The following PLOD2 variants were observed in gnomAD, a reference collection of about 807,000 sequenced individuals.
PLOD2 encodes the protein procollagen-lysine,2-oxoglutarate 5-dioxygenase 2.
Under a neutral mutation model 101.0 loss-of-function variants are expected in PLOD2, and 65 were observed. The observed-to-expected ratio is 0.64, with a 90% CI of 0.53 to 0.79. The LOEUF (loss-of-function observed/expected upper bound fraction) is 0.79, where lower values mean the gene tolerates loss of function less well. PLOD2 is among the 30% of genes least tolerant of loss of function. The pLI is 0.00. For synonymous variants in PLOD2, 314 were observed against 302.9 expected, an observed-to-expected ratio of 1.04 and a Z score of -0.38; for missense variants, 909 against 914.6, an observed-to-expected ratio of 0.99 and a Z score of 0.08.
intron 7 of PLOD2, 90 bp from the exon 8 acceptor site, chr3:146,091,991 T>G (rs1485963659): frequency 1.4e-6 from 1 of 736,220 alleles, no homozygotes; most frequent in African/African-American, 1.7e-5. Flanking sequence ...AAGCATGTTT[T>G]CTGCAGCAGG....
intron 7 of PLOD2, among the ~76,000 whole-genome samples, chr3:146,097,128 G>A (rs1170967985): frequency 2.2e-5 from 3 of 137,904 alleles, no homozygotes; most frequent in Admixed American, 2.1e-4. Flanking sequence ...GAGGGAGGTG[G>A]GGGGGTCAGC....
chr3:146,109,918 A>T (rs1937598177), intron 4 of PLOD2, among the ~76,000 whole-genome samples: 1 of 151,998 alleles, frequency 6.6e-6, no homozygotes, highest in South Asian at 2.1e-4. Flanking sequence ...ACTGAGAATA[A>T]TTTTTTTTCA....
At chr3:146,107,495 T>C (rs962857569) in intron 4 of PLOD2, among the ~76,000 whole-genome samples, 2 of 151,976 alleles carry the variant, frequency 1.3e-5, no homozygotes, top group African/African-American at 4.8e-5. Context: ...CTGTCAAAAT[T>C]AAAATTTTCT....
At chr3:146,153,819 G>C (rs1007762274) in intron 1 of PLOD2, among the ~76,000 whole-genome samples, 20 of 130,268 alleles carry the variant, frequency 1.5e-4, no homozygotes, top group African/African-American at 5.0e-4. Context: ...ATTTTTACCT[G>C]TCCACAGCAC....
chr3:146,147,679 C>T (rs956230524), intron 1 of PLOD2, among the ~76,000 whole-genome samples: 32 of 152,114 alleles, frequency 2.1e-4, no homozygotes, highest in Non-Finnish European at 2.9e-5. Flanking sequence ...GGGACAAAAC[C>T]ACTGGACCAT....
chr3:146,141,180 G>T (rs2031503709), intron 1 of PLOD2, among the ~76,000 whole-genome samples: 2 of 151,944 alleles, frequency 1.3e-5, no homozygotes, highest in African/African-American at 4.8e-5. Flanking sequence ...TGGATGTTTA[G>T]ATTAATTACA....
In PLOD2 at chr3:146,085,351, T is replaced by TC. The variant is rs555101794; in HGVS notation, c.1128-79dup. 1,395 of 756,710 alleles carry TC rather than the reference T, an allele frequency of 1.8e-3. 15 individuals carry two copies. In the African/African-American group the frequency reaches 0.022, roughly 12 times the overall value. The allele number at this position is 756,710 out of a possible 1,614,324, so 46.9% of individuals were successfully genotyped here. The stretch of plus-strand genomic sequence containing the variant: ...GACTGAAAAATGTTAATATATATAT[T>TC]CTTTTATGTAAAATATGGTTCTCTA... On this transcript the variant is annotated intron_variant, in intron 10 of 19. Coordinates refer to ENST00000282903, the MANE Select transcript of PLOD2 (RefSeq NM_182943.3).
chr3:146,076,739 T>C, intron 15 of PLOD2, 43 bp downstream of exon 15: 2 of 944,974 alleles, frequency 2.1e-6, no homozygotes, highest in Non-Finnish European at 3.4e-6. Context: ...TATAACCACT[T>C]ACAGTTATAG....
chr3:146,147,783 GT>G (rs1450418501), intron 1 of PLOD2, among the ~76,000 whole-genome samples: 2 of 152,168 alleles, frequency 1.3e-5, no homozygotes, highest in African/African-American at 2.4e-5. Context: ...ATCTAATTCA[GT>G]GATGTATACA....
At chr3:146,088,792 T>C in intron 8 of PLOD2, 81 bp from the exon 9 acceptor site, 1 of 1,181,802 alleles carries the variant, frequency 8.5e-7, no homozygotes, top group Non-Finnish European at 1.2e-6. Context: ...TTAATCAGCA[T>C]GACATAAAAA....
At chr3:146,072,771 A>C (rs1936196557) in intron 16 of PLOD2, 106 bp from the exon 17 acceptor site, 2 of 736,566 alleles carry the variant, frequency 2.7e-6, no homozygotes, top group Admixed American at 4.5e-5. Flanking sequence ...TATGACTAGG[A>C]AACATAGTTT....
intron 1 of PLOD2, among the ~76,000 whole-genome samples, chr3:146,153,814 T>C (rs1385367936): frequency 7.1e-6 from 1 of 141,752 alleles, no homozygotes; most frequent in Non-Finnish European, 1.5e-5. Flanking sequence ...AAAGAATTTT[T>C]ACCTGTCCAC....
chr3:146,102,197 A>G (rs74482975), intron 7 of PLOD2, among the ~76,000 whole-genome samples: 2,140 of 152,314 alleles, frequency 0.014, 54 homozygotes, highest in African/African-American at 0.048. Flanking sequence ...GACCCAAGCA[A>G]AACAAACTTT....
chr3:146,150,814 A>AT (rs1384643592), intron 1 of PLOD2, among the ~76,000 whole-genome samples: 2 of 152,194 alleles, frequency 1.3e-5, no homozygotes, highest in African/African-American at 4.8e-5. Flanking sequence ...ATATAAGTTT[A>AT]TTTTTTTAAC....
chr3:146,106,251 T>C lies in PLOD2; in HGVS notation c.615+281A>G, dbSNP rs9289714. On this transcript the variant is annotated intron_variant, in intron 5 of 19. Transcript: ENST00000282903. ...TTTCAATACATATAGCACTGCATTA[T>C]ATAGTTCTTCTTTCCTTCTGCCTGA... Among the ~76,000 whole-genome samples the C allele has an allele frequency of 0.52, 78,718 of 151,920 alleles. 20,655 individuals are homozygous for C. The highest frequency in any genetic ancestry group is 0.6 in the African/African-American group (24,796 of 41,416).
At chr3:146,121,064 A>C in intron 3 of PLOD2, 48 bp downstream of exon 3, 1 of 1,386,910 alleles carries the variant, frequency 7.2e-7, no homozygotes, top group Non-Finnish European at 1.0e-6. Flanking sequence ...CAGCTCTTTA[A>C]AAAGTAATTG....
intron 1 of PLOD2, among the ~76,000 whole-genome samples, chr3:146,160,182 T>G (rs1366682479): frequency 6.6e-6 from 1 of 152,204 alleles, no homozygotes; most frequent in Admixed American, 6.5e-5. Context: ...TAGACAGACG[T>G]GGTGAAACTC....
intron 7 of PLOD2, among the ~76,000 whole-genome samples, chr3:146,098,490 T>A (rs1002678531): frequency 1.3e-5 from 2 of 151,906 alleles, no homozygotes; most frequent in Non-Finnish European, 2.9e-5. Flanking sequence ...TATACTACTA[T>A]GAAAACAAAG....
In PLOD2 at chr3:146,110,326, T is replaced by A; in HGVS notation, c.461A>T (p.Tyr154Phe). ...GCGTTTCCCAATGTGCACAACAGGATACTTGTCTGCTAGTCTTTTATCTGG... is the reference window on the plus strand; with the variant it reads ...GCGTTTCCCAATGTGCACAACAGGAAACTTGTCTGCTAGTCTTTTATCTGG... ...LWPDKRLADK[Y>F]PVVHIGKRYL... The change falls in exon 4 of 20, where the codon TAT (tyrosine) becomes TTT (phenylalanine). Residue 154 changes from tyrosine (Y) to phenylalanine (F), a missense_variant. By Grantham distance (22) the Tyr-to-Phe change is conservative. Transcript: ENST00000282903. 2 of 1,613,892 alleles carry A rather than the reference T, an allele frequency of 1.2e-6. No individual in the cohort carries two copies. The highest frequency in any genetic ancestry group is 8.5e-7 in the Non-Finnish European group (1 of 1,179,852).
Sources: gnomAD v4.1 joint callset for allele counts (sites outside exome capture counted in the v4.1 genomes callset) on GRCh38, gnomAD v4.1.1 for gene constraint, MANE v1.5 for transcripts, NCBI Gene and HGNC (gene_info 2026-07-23, HGNC 2026-07-21) for gene names.